Variants in RNF130 observed in about 807,000 individuals in gnomAD.
RNF130 encodes ring finger protein 130.
Under a neutral mutation model 44.6 loss-of-function variants are expected in RNF130, and 21 were observed. That is an observed-to-expected ratio of 0.47 (90% confidence interval 0.33 to 0.68). The LOEUF (loss-of-function observed/expected upper bound fraction) is 0.68. RNF130 is among the 30% of genes least tolerant of loss of function. The pLI, the probability that RNF130 is intolerant of heterozygous loss-of-function variation, is 0.02. For missense variants in RNF130, 479 were observed against 560.6 expected, an observed-to-expected ratio of 0.85 and a Z score of 1.47; for synonymous variants, 214 against 210.4, an observed-to-expected ratio of 1.02 and a Z score of -0.15.
intron 8 of RNF130, among the ~76,000 whole-genome samples, chr5:179,958,839 C>G (rs556979867): frequency 1.3e-5 from 2 of 152,230 alleles, no homozygotes; most frequent in Admixed American, 1.3e-4. Flanking sequence ...TGCCACCACA[C>G]CCAGCTAATT....
At chr5:180,005,336 G>A (rs1403887356) in intron 3 of RNF130, among the ~76,000 whole-genome samples, 4 of 152,292 alleles carry the variant, frequency 2.6e-5, no homozygotes, top group Admixed American at 1.3e-4. Flanking sequence ...GCTGAGGCAG[G>A]AGAATGGTCT....
intron 3 of RNF130, among the ~76,000 whole-genome samples, chr5:179,989,343 C>T (rs1478952789): frequency 2.0e-5 from 3 of 152,090 alleles, no homozygotes; most frequent in Admixed American, 1.3e-4. Flanking sequence ...TCGTATCAGC[C>T]GGATACTGAA....
At chr5:180,033,748 C>T (rs1299435071) in intron 2 of RNF130, among the ~76,000 whole-genome samples, 1 of 148,468 alleles carries the variant, frequency 6.7e-6, no homozygotes, top group Non-Finnish European at 1.5e-5. Flanking sequence ...TGTATAATGA[C>T]TTTGTATTCT....
chr5:179,986,974 A>G (rs1762967971), intron 3 of RNF130, among the ~76,000 whole-genome samples: 1 of 152,202 alleles, frequency 6.6e-6, no homozygotes, highest in Non-Finnish European at 1.5e-5. Context: ...GGTGTACAGA[A>G]ATGATACTAA....
At chr5:180,016,507 G>A (rs1244562875) in intron 2 of RNF130, among the ~76,000 whole-genome samples, 1 of 152,232 alleles carries the variant, frequency 6.6e-6, no homozygotes, top group Non-Finnish European at 1.5e-5. Context: ...CTGCTAGTAA[G>A]TCACGGATGC....
intron 8 of RNF130, among the ~76,000 whole-genome samples, chr5:179,957,979 G>A (rs951814617): frequency 2.7e-5 from 4 of 150,806 alleles, no homozygotes; most frequent in Non-Finnish European, 4.4e-5. Context: ...CCGGGTTCAC[G>A]CCATTCTCCT....
chr5:180,066,738 G>A (rs1221333467), intron 1 of RNF130, among the ~76,000 whole-genome samples: 1 of 152,186 alleles, frequency 6.6e-6, no homozygotes, highest in Non-Finnish European at 1.5e-5. Context: ...TAGGGAGGCT[G>A]AGGCAGGAAG....
rs576515501 is a variant in RNF130, at chr5:180,039,155, ATTCT to A, written c.442+1294_442+1297del. 1.4e-4 allele frequency among the ~76,000 whole-genome samples: 22 copies of A among 152,260 alleles called. No individual in the cohort carries two copies. In the East Asian group the frequency reaches 2.9e-3, roughly 20 times the overall value. ...AGTGAAAAATCACACATTTTATTTTATTCTTTGTGTTTTTCTTTAGTTTCAGTTT... is the reference window on the plus strand; with the variant it reads ...AGTGAAAAATCACACATTTTATTTTATTGTGTTTTTCTTTAGTTTCAGTTT... On this transcript the variant is annotated intron_variant, in intron 2 of 8. Transcript: ENST00000521389.
intron 5 of RNF130, among the ~76,000 whole-genome samples, chr5:179,972,600 G>T (rs910924117): frequency 4.6e-5 from 7 of 152,086 alleles, no homozygotes; most frequent in Non-Finnish European, 7.4e-5. Flanking sequence ...GATGAGGGTG[G>T]GGGGTGGCTG....
At chr5:179,963,410 G>T in intron 8 of RNF130, 61 bp downstream of exon 8, 2 of 1,312,172 alleles carry the variant, frequency 1.5e-6, no homozygotes, top group Non-Finnish European at 2.2e-6. Context: ...CATGAAAACT[G>T]CTCCATGTGT....
intron 2 of RNF130, among the ~76,000 whole-genome samples, chr5:180,027,206 G>A (rs913996947): frequency 2.6e-5 from 4 of 152,098 alleles, no homozygotes; most frequent in African/African-American, 7.2e-5. Context: ...GGGGTGGGGG[G>A]AGGATCCTGG....
chr5:179,985,063 C>T (rs1316592418), intron 3 of RNF130, among the ~76,000 whole-genome samples: 2 of 151,448 alleles, frequency 1.3e-5, no homozygotes, highest in Non-Finnish European at 2.9e-5. Context: ...TCCATCAAGT[C>T]ATCTCCTATT....
intron 5 of RNF130, among the ~76,000 whole-genome samples, chr5:179,973,865 C>T (rs1762644795): frequency 6.6e-6 from 1 of 152,226 alleles, no homozygotes; most frequent in Non-Finnish European, 1.5e-5. Flanking sequence ...CACAAGCATA[C>T]TGAGCGCCAA....
rs945789123 is a variant in RNF130 at position 179,980,350 on chromosome 5, G to A, written c.694-150C>T. 8 of 659,578 alleles carry A rather than the reference G, an allele frequency of 1.2e-5. No individual in the cohort carries two copies. The East Asian group carries it at 2.3e-4, about 19-fold the overall frequency. The allele number at this position is 659,578 out of a possible 1,614,324, so 40.9% of individuals were successfully genotyped here. On this transcript the variant is annotated intron_variant, in intron 3 of 8. Coordinates refer to ENST00000521389, the MANE Select transcript of RNF130 (RefSeq NM_018434.6). ...AGAGAATGATAAAATAGAAAAAATG[G>A]TGGCTGTATCAAGATTCAGCATTCT...
chr5:180,058,981 A>G (rs1304520612), intron 1 of RNF130, among the ~76,000 whole-genome samples: 1 of 152,138 alleles, frequency 6.6e-6, no homozygotes, highest in African/African-American at 2.4e-5. Context: ...ACGTTATTTT[A>G]CCACAATTAA....
chr5:180,023,863 A>C (rs1582198403), intron 2 of RNF130, among the ~76,000 whole-genome samples: 1 of 152,248 alleles, frequency 6.6e-6, no homozygotes, highest in African/African-American at 2.4e-5. Context: ...GTCAAAAGTT[A>C]TCATATGGCA....
chr5:179,924,133 C>T (rs1240904499), intron 7 of RNF130, among the ~76,000 whole-genome samples: 1 of 151,832 alleles, frequency 6.6e-6, no homozygotes, highest in African/African-American at 2.4e-5. Flanking sequence ...TCGCTTGAGC[C>T]CGGGAGTTCA....
intron 3 of RNF130, among the ~76,000 whole-genome samples, chr5:179,990,228 G>GT (rs1473641877): frequency 3.3e-5 from 5 of 152,204 alleles, no homozygotes; most frequent in African/African-American, 1.2e-4. Context: ...AGGGTAAAGA[G>GT]TTTGAGTCAC....
chr5:180,065,626 G>C (rs759367946), intron 1 of RNF130, among the ~76,000 whole-genome samples: 2 of 152,014 alleles, frequency 1.3e-5, no homozygotes, highest in East Asian at 1.9e-4. Context: ...TGGGTGTGGT[G>C]GTGGGCACCT....
Sources: gnomAD v4.1 joint callset for allele counts (sites outside exome capture counted in the v4.1 genomes callset) on GRCh38, gnomAD v4.1.1 for gene constraint, MANE v1.5 for transcripts, NCBI Gene and HGNC (gene_info 2026-07-23, HGNC 2026-07-21) for gene names.